Variants in MGAT4C observed in about 807,000 individuals in gnomAD.
The protein encoded by MGAT4C is MGAT4 family member C, also known as alpha-1,3-mannosyl-glycoprotein 4-beta-N-acetylglucosaminyltransferase C.
Under a neutral mutation model 40.1 loss-of-function variants are expected in MGAT4C, and 19 were observed. That is an observed-to-expected ratio of 0.47 (90% CI 0.33 to 0.70). The LOEUF is 0.70. Among genes scored for constraint, MGAT4C ranks in the 30% least tolerant of loss-of-function variants. The pLI is 0.02. For missense variants in MGAT4C, 491 were observed against 563.2 expected (o/e 0.87, Z 1.30); for synonymous variants, 181 against 187.1 (o/e 0.97, Z 0.27).
chr12:86,670,830 C>G lies in MGAT4C; in HGVS notation c.-229+56379G>C, dbSNP rs181514325. ...TTTTCCCATTTTTCCAGAGTGCTCCCCAGTGGCACTTGCAGCTGCAGCATT... is the reference window on the plus strand; with the variant it reads ...TTTTCCCATTTTTCCAGAGTGCTCCGCAGTGGCACTTGCAGCTGCAGCATT... On this transcript the variant is annotated intron_variant, in intron 2 of 7. Coordinates refer to the MGAT4C transcript ENST00000548651. Among the ~76,000 whole-genome samples, 708 of 152,250 alleles carry G rather than the reference C, an allele frequency of 4.7e-3. 3 individuals are homozygous for G. The highest frequency in any genetic ancestry group is 8.0e-3 in the Non-Finnish European group (546 of 68,008).
At chr12:86,538,276 A>C (rs536468901) in intron 2 of MGAT4C, among the ~76,000 whole-genome samples, 1 of 152,322 alleles carries the variant, frequency 6.6e-6, no homozygotes, top group East Asian at 1.9e-4. Context: ...GAGAGGAATT[A>C]GATATTCAAC....
intron 2 of MGAT4C, among the ~76,000 whole-genome samples, chr12:86,453,630 TCTTTGG>T (rs1416566004): frequency 6.6e-6 from 1 of 152,134 alleles, no homozygotes; most frequent in Non-Finnish European, 1.5e-5. Context: ...CTATTTACAC[TCTTTGG>T]CTTTTGTCTG....
intron 2 of MGAT4C, among the ~76,000 whole-genome samples, chr12:86,721,959 T>C (rs1256500125): frequency 3.3e-5 from 5 of 152,124 alleles, no homozygotes; most frequent in Admixed American, 1.3e-4. Context: ...CATTCAATGA[T>C]AGAACTGTGG....
chr12:86,314,195 G>T (rs548483614), intron 4 of MGAT4C, among the ~76,000 whole-genome samples: 11 of 152,166 alleles, frequency 7.2e-5, no homozygotes, highest in Non-Finnish European at 1.3e-4. Flanking sequence ...ACAATGTAAT[G>T]AAGTTTGTAG....
chr12:85,971,046 A>G lies in MGAT4C; in HGVS notation c.*8243T>C, dbSNP rs764315685. ...AGAGCAATATGTAAATTTCATTGCAACAATGGTTATTCAATTTACTGATGA... is the reference window on the plus strand; with the variant it reads ...AGAGCAATATGTAAATTTCATTGCAGCAATGGTTATTCAATTTACTGATGA... On this transcript the variant is annotated 3_prime_UTR_variant, in exon 5 of 5. Coordinates refer to ENST00000611864, the MANE Select transcript of MGAT4C (RefSeq NM_001351288.2). 1.2e-4 allele frequency: 18 copies of G among 151,200 alleles called. No individual in the cohort carries two copies. Among genetic ancestry groups the G allele is most frequent in the Non-Finnish European group, 2.4e-4 (16 of 67,334 alleles). The allele number at this position is 151,200 out of a possible 1,614,324, so 9.4% of individuals were successfully genotyped here.
intron 3 of MGAT4C, among the ~76,000 whole-genome samples, chr12:86,361,610 A>G (rs1592743014): frequency 6.6e-6 from 1 of 152,240 alleles, no homozygotes; most frequent in African/African-American, 2.4e-5. Context: ...TAAATCTAGA[A>G]TCTACAAAGA....
intron 2 of MGAT4C, among the ~76,000 whole-genome samples, chr12:86,581,222 C>T (rs1273172201): frequency 6.6e-6 from 1 of 151,444 alleles, no homozygotes; most frequent in Non-Finnish European, 1.5e-5. Flanking sequence ...TTTTCTATAA[C>T]AGAGACTAAT....
intron 3 of MGAT4C, among the ~76,000 whole-genome samples, chr12:86,359,951 A>G (rs1955419392): frequency 6.6e-6 from 1 of 152,220 alleles, no homozygotes; most frequent in African/African-American, 2.4e-5. Context: ...ATTAATAGAT[A>G]AAGAGGGAAT....
chr12:86,836,004 T>C (rs1953030856), intron 1 of MGAT4C, among the ~76,000 whole-genome samples: 2 of 151,956 alleles, frequency 1.3e-5, no homozygotes, highest in Admixed American at 1.3e-4. Context: ...TACGTATTTA[T>C]TATTTAATTC....
At chr12:86,313,826 T>C (rs983030559) in intron 4 of MGAT4C, among the ~76,000 whole-genome samples, 3 of 152,188 alleles carry the variant, frequency 2.0e-5, no homozygotes, top group Admixed American at 1.3e-4. Flanking sequence ...CTAAAAACAT[T>C]TTCCAAATGA....
chr12:86,673,291 C>A (rs1247289518), intron 2 of MGAT4C, among the ~76,000 whole-genome samples: 1 of 152,110 alleles, frequency 6.6e-6, no homozygotes. Flanking sequence ...CATAGGGTAA[C>A]TTTGAGTTAA....
At position 86,274,913 on chromosome 12, in the gene MGAT4C, C is replaced by G. The variant is rs748043446; in HGVS notation, c.-57+59152G>C. On this transcript the variant is annotated intron_variant, in intron 4 of 7. Transcript: ENST00000548651. ...GGACATTGACAGAATAACAAAAGCT[C>G]TTCTTGCAGAAAAGCTTCATGTCAT... Among the ~76,000 whole-genome samples the G allele has an allele frequency of 1.6e-4, 24 of 152,114 alleles. 1 individual carries two copies. Among genetic ancestry groups the G allele is most frequent in the Non-Finnish European group, 2.2e-4 (15 of 68,016 alleles).
At chr12:86,285,642 ATAATTT>A (rs1330428997) in intron 4 of MGAT4C, among the ~76,000 whole-genome samples, 2 of 151,212 alleles carry the variant, frequency 1.3e-5, no homozygotes, top group Non-Finnish European at 3.0e-5. Flanking sequence ...TCTGAAAAAC[ATAATTT>A]TAGACTACTA....
chr12:86,641,610 C>T (rs966937078), intron 2 of MGAT4C, among the ~76,000 whole-genome samples: 12 of 151,726 alleles, frequency 7.9e-5, no homozygotes, highest in Non-Finnish European at 1.0e-4. Context: ...GAGAAGGTGA[C>T]GGTGCCGATT....
intron 4 of MGAT4C, among the ~76,000 whole-genome samples, chr12:86,278,172 G>C (rs1953123796): frequency 1.1e-5 from 1 of 87,114 alleles, no homozygotes; most frequent in South Asian, 4.4e-4. Context: ...TTAGTTTGTT[G>C]ACTTCCTTTT....
At chr12:86,753,576 A>G (rs1593175046) in intron 1 of MGAT4C, among the ~76,000 whole-genome samples, 1 of 152,012 alleles carries the variant, frequency 6.6e-6, no homozygotes, top group African/African-American at 2.4e-5. Flanking sequence ...CCAGCCCGAG[A>G]TGGTCTCGGC....
At chr12:86,332,651 T>TG (rs1450951879) in intron 4 of MGAT4C, among the ~76,000 whole-genome samples, 24 of 152,142 alleles carry the variant, frequency 1.6e-4, no homozygotes, top group Admixed American at 1.3e-3. Context: ...AAGGTTTTTT[T>TG]TTGTGTGTGT....
intron 1 of MGAT4C, among the ~76,000 whole-genome samples, chr12:86,779,488 G>A (rs1424292243): frequency 6.6e-6 from 1 of 152,036 alleles, no homozygotes; most frequent in African/African-American, 2.4e-5. Flanking sequence ...TGTAGTCCCA[G>A]ATACTGGGGA....
chr12:86,376,495 T>C (rs1441155474), intron 3 of MGAT4C, among the ~76,000 whole-genome samples: 1 of 152,182 alleles, frequency 6.6e-6, no homozygotes, highest in South Asian at 2.1e-4. Flanking sequence ...TACATTGCTA[T>C]ATTTTCCTGT....
Sources: allele counts gnomAD v4.1 joint callset (sites outside exome capture counted in the v4.1 genomes callset), GRCh38; gene constraint gnomAD v4.1.1; transcripts MANE v1.5; gene names NCBI Gene and HGNC (gene_info 2026-07-23, HGNC 2026-07-21).